Variants in GALNT1 observed in about 807,000 individuals in gnomAD.
The protein encoded by GALNT1 is polypeptide N-acetylgalactosaminyltransferase 1.
A neutral mutation model predicts 65.7 loss-of-function variants in GALNT1; 17 were observed. That is an observed-to-expected ratio of 0.26 (90% CI 0.18 to 0.39). The LOEUF (loss-of-function observed/expected upper bound fraction) is 0.39. GALNT1 is among the 10% of genes least tolerant of loss of function. The pLI is 1.00. For synonymous variants in GALNT1, 210 were observed against 219.7 expected (o/e 0.96, Z 0.39); for missense variants, 460 against 672.8 (o/e 0.68, Z 3.50).
intron 1 of GALNT1, chr18:35,596,066 T>G (rs2046500903): frequency 6.6e-6 from 1 of 151,990 alleles, no homozygotes; most frequent in Non-Finnish European, 1.5e-5. Context: ...AGCAGAGAGT[T>G]TGGAGAGAAT....
At position 35,611,348 on chromosome 18, in the gene GALNT1, G is replaced by C. The variant is rs573040003; in HGVS notation, c.-104+29486G>C. Among the ~76,000 whole-genome samples, 3 of 152,252 alleles carry C rather than the reference G, an allele frequency of 2.0e-5. No homozygotes were observed. The East Asian group carries it at 5.8e-4, about 29-fold the overall frequency. ...GCAGGAATACTGTGTGAGAGAAAGT[G>C]AGGCAGTTGAACATACTGCAGAGAC... On this transcript the variant is annotated intron_variant, in intron 1 of 11. Transcript: ENST00000269195.
At position 35,673,192 on chromosome 18, in the gene GALNT1, A is replaced by G. The variant is rs547128292; in HGVS notation, c.315-4399A>G. Among the ~76,000 whole-genome samples, 11 of 152,358 alleles carry G rather than the reference A, an allele frequency of 7.2e-5. No homozygotes were observed. The East Asian group carries it at 1.3e-3, about 19-fold the overall frequency. ...AAATGCTAGTGACAGATGAAATTTA[A>G]TGGGAGAAAAAGAATACATTGAAAA... On this transcript the variant is annotated intron_variant, in intron 3 of 11. Transcript: ENST00000269195.
chr18:35,650,564 T>G (rs190703108), intron 1 of GALNT1, among the ~76,000 whole-genome samples: 5 of 152,284 alleles, frequency 3.3e-5, no homozygotes, highest in South Asian at 2.1e-4. Context: ...ATCCCTTATC[T>G]ACAACCATAA....
chr18:35,592,267 A>G (rs1455726066), intron 1 of GALNT1, among the ~76,000 whole-genome samples: 1 of 152,242 alleles, frequency 6.6e-6, no homozygotes, highest in Non-Finnish European at 1.5e-5. Context: ...CTAAACAGAC[A>G]TAGATCCTGT....
intron 3 of GALNT1, among the ~76,000 whole-genome samples, chr18:35,671,332 T>G (rs111535228): frequency 2.0e-5 from 3 of 152,310 alleles, no homozygotes; most frequent in African/African-American, 7.2e-5. Context: ...TCATCCGACC[T>G]CAGCCTCCCG....
At chr18:35,664,849 C>G (rs1203983180) in intron 3 of GALNT1, among the ~76,000 whole-genome samples, 1 of 152,200 alleles carries the variant, frequency 6.6e-6, no homozygotes, top group Non-Finnish European at 1.5e-5. Flanking sequence ...CTTGCCTCCT[C>G]CAGAGAAGAG....
chr18:35,682,140 AG>A (rs1216306387), intron 4 of GALNT1, among the ~76,000 whole-genome samples: 1 of 152,180 alleles, frequency 6.6e-6, no homozygotes, highest in Non-Finnish European at 1.5e-5. Flanking sequence ...ATAAAATCAC[AG>A]TGATATCTTT....
intron 5 of GALNT1, 42 bp from the exon 6 acceptor site, chr18:35,686,974 G>A (rs748966909): frequency 1.3e-6 from 2 of 1,568,900 alleles, no homozygotes; most frequent in Non-Finnish European, 1.7e-6. Context: ...CATTAAACAG[G>A]AATGTTTTGA....
intron 1 of GALNT1, among the ~76,000 whole-genome samples, chr18:35,615,646 G>A (rs988117719): frequency 7.9e-5 from 12 of 152,248 alleles, no homozygotes; most frequent in Admixed American, 5.2e-4. Flanking sequence ...AATATATTTT[G>A]CATACAAAGG....
chr18:35,662,692 A>G (rs956173510), intron 2 of GALNT1, among the ~76,000 whole-genome samples: 2 of 152,262 alleles, frequency 1.3e-5, no homozygotes, highest in East Asian at 1.9e-4. Flanking sequence ...TAAGTAATGC[A>G]TAAAATATAT....
chr18:35,687,691 C>T (rs1355705299), intron 6 of GALNT1, among the ~76,000 whole-genome samples: 1 of 151,830 alleles, frequency 6.6e-6, no homozygotes, highest in East Asian at 1.9e-4. Flanking sequence ...ATTCATTAAT[C>T]CATTTATTCT....
At chr18:35,627,981 A>G (rs908871190) in intron 1 of GALNT1, among the ~76,000 whole-genome samples, 3 of 152,134 alleles carry the variant, frequency 2.0e-5, no homozygotes, top group African/African-American at 7.2e-5. Flanking sequence ...CTAGCATAGC[A>G]GTCTGAGATT....
intron 1 of GALNT1, among the ~76,000 whole-genome samples, chr18:35,589,711 G>A (rs1323646084): frequency 6.6e-6 from 1 of 152,146 alleles, no homozygotes; most frequent in Non-Finnish European, 1.5e-5. Flanking sequence ...GTGCTTAGTG[G>A]GAGGAATAGG....
intron 1 of GALNT1, among the ~76,000 whole-genome samples, chr18:35,609,994 A>G (rs1036328922): frequency 6.6e-6 from 1 of 152,160 alleles, no homozygotes; most frequent in East Asian, 1.9e-4. Flanking sequence ...CAATTTTTTA[A>G]TTTTTATTAT....
chr18:35,665,326 G>T (rs1423725331), intron 3 of GALNT1, among the ~76,000 whole-genome samples: 2 of 152,006 alleles, frequency 1.3e-5, no homozygotes, highest in South Asian at 2.1e-4. Flanking sequence ...TGAAAATAAA[G>T]AAAAATGCAC....
chr18:35,654,804 G>T lies in GALNT1; in HGVS notation c.139+3G>T, dbSNP rs1249285057. 1 of 1,546,536 alleles carries T rather than the reference G, an allele frequency of 6.5e-7. No homozygotes were observed. Among genetic ancestry groups the T allele is most frequent in the African/African-American group, 1.4e-5 (1 of 72,558 alleles). On this transcript the variant is annotated splice_donor_region_variant and intron_variant, in intron 2 of 11. Coordinates refer to ENST00000269195, the MANE Select transcript of GALNT1 (RefSeq NM_020474.4). ...GAGAGGACTTCCTGCTGGAGATGGT[G>T]AGTGACATTTTATAATAGAGCTGTT...
intron 3 of GALNT1, among the ~76,000 whole-genome samples, chr18:35,667,621 G>A (rs180804843): frequency 3.9e-5 from 6 of 152,178 alleles, no homozygotes; most frequent in African/African-American, 1.4e-4. Context: ...GCAGCTGGTG[G>A]ATATTCTCTT....
intron 1 of GALNT1, among the ~76,000 whole-genome samples, chr18:35,635,263 A>G (rs2047073745): frequency 6.6e-6 from 1 of 152,218 alleles, no homozygotes; most frequent in Admixed American, 6.5e-5. Context: ...AGAGAAGCAC[A>G]CAAGTGTTAC....
intron 1 of GALNT1, among the ~76,000 whole-genome samples, chr18:35,619,731 C>G (rs972510360): frequency 6.6e-5 from 10 of 152,174 alleles, no homozygotes; most frequent in Admixed American, 5.9e-4. Flanking sequence ...TGGCAAGCTT[C>G]TAGTGAATTC....
Sources: gnomAD v4.1 joint callset for allele counts (sites outside exome capture counted in the v4.1 genomes callset) on GRCh38, gnomAD v4.1.1 for gene constraint, MANE v1.5 for transcripts, NCBI Gene and HGNC (gene_info 2026-07-23, HGNC 2026-07-21) for gene names.